DPYD: variants seen among roughly 807,000 people sequenced by gnomAD.
DPYD encodes the protein dihydropyrimidine dehydrogenase [NADP(+)].
DPYD carries 109 observed loss-of-function variants against 116.2 expected under a neutral mutation model. The ratio of observed to expected loss-of-function variants is 0.94; its 90% CI spans 0.80 to 1.10. DPYD has a LOEUF of 1.10. Among genes scored for constraint, DPYD ranks in the 50% least tolerant of loss-of-function variants. The pLI, the probability that DPYD is intolerant of heterozygous loss-of-function variation, is 0.00. For synonymous variants in DPYD, 440 were observed against 432.0 expected, an observed-to-expected ratio of 1.02 and a Z score of -0.23; for missense variants, 1,302 against 1,254.5, an observed-to-expected ratio of 1.04 and a Z score of -0.57.
chr1:97,269,116 G>C (rs1040866002), intron 18 of DPYD, among the ~76,000 whole-genome samples: 1 of 152,010 alleles, frequency 6.6e-6, no homozygotes, highest in Non-Finnish European at 1.5e-5. Flanking sequence ...TGTCTTCCAC[G>C]AAATCCTAGA....
In DPYD at chr1:97,078,715, G is replaced by T; in HGVS notation, c.*261C>A. 2.1e-6 allele frequency: 1 copy of T among 466,862 alleles called. No homozygotes were observed. Among genetic ancestry groups the T allele is most frequent in the East Asian group, 4.3e-5 (1 of 23,416 alleles). The allele number at this position is 466,862 out of a possible 1,614,324, so 28.9% of individuals were successfully genotyped here. On this transcript the variant is annotated 3_prime_UTR_variant, in exon 23 of 23. Coordinates refer to ENST00000370192, the MANE Select transcript of DPYD (RefSeq NM_000110.4). ...AATTTTTCACATAAGACAACTGGCAGTGAACATCCAATTAACTGCCACACA... is the reference window on the plus strand; with the variant it reads ...AATTTTTCACATAAGACAACTGGCATTGAACATCCAATTAACTGCCACACA...
At chr1:97,913,098 A>C (rs1423685505) in intron 1 of DPYD, among the ~76,000 whole-genome samples, 1 of 152,130 alleles carries the variant, frequency 6.6e-6, no homozygotes, top group Non-Finnish European at 1.5e-5. Flanking sequence ...TAAATTTGTT[A>C]ATTCCAGATC....
chr1:97,092,450 C>T (rs1649958934), intron 21 of DPYD, among the ~76,000 whole-genome samples: 1 of 152,126 alleles, frequency 6.6e-6, no homozygotes, highest in African/African-American at 2.4e-5. Flanking sequence ...CTTTCCTATT[C>T]TTAAGACTTC....
At chr1:97,441,048 T>C (rs1332983064) in intron 14 of DPYD, among the ~76,000 whole-genome samples, 1 of 152,230 alleles carries the variant, frequency 6.6e-6, no homozygotes, top group Non-Finnish European at 1.5e-5. Context: ...TTAATCACAC[T>C]AGTAACTGTT....
intron 20 of DPYD, among the ~76,000 whole-genome samples, chr1:97,159,208 TAATA>T (rs1392575849): frequency 6.6e-6 from 1 of 152,000 alleles, no homozygotes; most frequent in Non-Finnish European, 1.5e-5. Flanking sequence ...AATGATGAGA[TAATA>T]AATATGGCAA....
At chr1:97,552,785 TCA>T (rs1260344552) in intron 11 of DPYD, among the ~76,000 whole-genome samples, 4 of 152,168 alleles carry the variant, frequency 2.6e-5, no homozygotes, top group African/African-American at 9.6e-5. Flanking sequence ...AAAAATCATC[TCA>T]GTCTCCTTTT....
intron 18 of DPYD, among the ~76,000 whole-genome samples, chr1:97,246,729 A>G (rs576226309): frequency 1.1e-3 from 172 of 152,288 alleles, no homozygotes; most frequent in African/African-American, 3.9e-3. Context: ...ATCAATTTCT[A>G]TATGGCATTT....
chr1:97,813,856 T>C (rs1668442896), intron 3 of DPYD, among the ~76,000 whole-genome samples: 3 of 151,952 alleles, frequency 2.0e-5, no homozygotes, highest in African/African-American at 4.8e-5. Flanking sequence ...TTCTCTAATA[T>C]GTGCATAAAG....
chr1:97,107,632 CAAAG>C (rs1348570562), intron 20 of DPYD, among the ~76,000 whole-genome samples: 1 of 151,976 alleles, frequency 6.6e-6, no homozygotes, highest in Non-Finnish European at 1.5e-5. Context: ...TTCCTTATTG[CAAAG>C]AAGATAAAGA....
intron 14 of DPYD, among the ~76,000 whole-genome samples, chr1:97,432,530 T>G (rs1409370701): frequency 6.6e-6 from 1 of 152,132 alleles, no homozygotes; most frequent in African/African-American, 2.4e-5. Flanking sequence ...TTTTTCCACA[T>G]TTATCATGGT....
At chr1:97,691,163 G>A (rs997406669) in intron 7 of DPYD, 5 of 152,630 alleles carry the variant, frequency 3.3e-5, no homozygotes, top group African/African-American at 9.7e-5. Context: ...TGAAAATAAC[G>A]ATGTGTCAAA....
intron 8 of DPYD, among the ~76,000 whole-genome samples, chr1:97,635,920 A>G (rs1657531708): frequency 6.6e-6 from 1 of 152,112 alleles, no homozygotes; most frequent in East Asian, 1.9e-4. Context: ...CCTAGGCCCA[A>G]GCAATCTTCC....
intron 18 of DPYD, among the ~76,000 whole-genome samples, chr1:97,281,021 T>C (rs1327566743): frequency 1.3e-5 from 2 of 152,146 alleles, no homozygotes; most frequent in African/African-American, 4.8e-5. Flanking sequence ...TATTGTTCGA[T>C]TATAAATACA....
intron 19 of DPYD, among the ~76,000 whole-genome samples, chr1:97,203,581 AACTAACCTGC>A (rs1366814143): frequency 2.0e-5 from 3 of 150,784 alleles, no homozygotes; most frequent in Non-Finnish European, 4.4e-5. Context: ...ATACATATGT[AACTAACCTGC>A]ACAAGCACAT....
At chr1:97,627,436 A>C (rs1397910350) in intron 8 of DPYD, among the ~76,000 whole-genome samples, 1 of 152,068 alleles carries the variant, frequency 6.6e-6, no homozygotes, top group Non-Finnish European at 1.5e-5. Context: ...TCCATTGTGC[A>C]CTGAGAGCAC....
intron 7 of DPYD, chr1:97,691,467 G>T: frequency 2.6e-6 from 1 of 386,710 alleles, no homozygotes; most frequent in Non-Finnish European, 4.8e-6. Context: ...TTAGGAATTT[G>T]TTTCTTACAG....
intron 20 of DPYD, among the ~76,000 whole-genome samples, chr1:97,116,192 C>T (rs947063976): frequency 1.3e-5 from 2 of 152,062 alleles, no homozygotes; most frequent in African/African-American, 2.4e-5. Flanking sequence ...ATAAGTTAAA[C>T]ATTTAACTTA....
chr1:97,086,044 C>T (rs940930275), intron 21 of DPYD, among the ~76,000 whole-genome samples: 5 of 151,690 alleles, frequency 3.3e-5, no homozygotes, highest in African/African-American at 4.9e-5. Flanking sequence ...TAAAAGTTGT[C>T]GTTGTTTTGT....
At chr1:97,694,920 T>C (rs552237659) in intron 6 of DPYD, among the ~76,000 whole-genome samples, 20 of 152,296 alleles carry the variant, frequency 1.3e-4, no homozygotes, top group Admixed American at 7.8e-4. Context: ...GTAATATATA[T>C]GTAAGCTTTC....
Sources: allele counts gnomAD v4.1 joint callset (sites outside exome capture counted in the v4.1 genomes callset), GRCh38; gene constraint gnomAD v4.1.1; transcripts MANE v1.5; gene names NCBI Gene and HGNC (gene_info 2026-07-23, HGNC 2026-07-21).